Variants in SNX1 observed in about 807,000 individuals in gnomAD.
The protein encoded by SNX1 is sorting nexin 1, also known as sorting nexin-1.
SNX1 carries 36 observed loss-of-function variants against 71.8 expected under a neutral mutation model. The observed-to-expected ratio is 0.50, with a 90% confidence interval of 0.38 to 0.66. The LOEUF (loss-of-function observed/expected upper bound fraction) is 0.66. Among genes scored for constraint, SNX1 ranks in the 30% least tolerant of loss-of-function variants. The pLI is 0.00. For missense variants in SNX1, 612 were observed against 646.7 expected, an observed-to-expected ratio of 0.95 and a Z score of 0.58; for synonymous variants, 254 against 240.7, an observed-to-expected ratio of 1.06 and a Z score of -0.51.
In SNX1 at chr15:64,140,738, C is replaced by T. The variant is rs537427953; in HGVS notation, c.*3120C>T. 4 of 152,166 alleles carry T rather than the reference C, an allele frequency of 2.6e-5. No homozygotes were observed. The highest frequency in any genetic ancestry group is 7.2e-5 in the African/African-American group (3 of 41,402). 9.4% of individuals were successfully genotyped at this position (152,166 alleles called of 1,614,324 possible). A position where few individuals can be genotyped will look rare whatever the true frequency, so the allele number is the denominator to read the frequency against. ...AGCTGGGATTACAGGTGCCTGCCCCCACACCCAGCTAATTTTTGCATTTTT... is the reference window on the plus strand; with the variant it reads ...AGCTGGGATTACAGGTGCCTGCCCCTACACCCAGCTAATTTTTGCATTTTT... On this transcript the variant is annotated 3_prime_UTR_variant, in exon 15 of 15. Transcript: ENST00000559844.
At position 64,121,675 on chromosome 15, in the gene SNX1, A is replaced by T. The variant is rs117103497; in HGVS notation, c.467-1828A>T. ...GGACACAATTTATCCCATTACAGAG[A>T]GTAATTTAAACAGCCCATGGATCAG... On this transcript the variant is annotated intron_variant, in intron 4 of 14. Transcript: ENST00000559844. Among the ~76,000 whole-genome samples, 1,136 of 152,340 alleles carry T rather than the reference A, an allele frequency of 7.5e-3. 3 individuals are homozygous for T. The highest frequency in any genetic ancestry group is 0.012 in the Non-Finnish European group (789 of 68,022).
At position 64,141,510 on chromosome 15, in the gene SNX1, G is replaced by C. The variant is rs1224157297; in HGVS notation, c.*3892G>C. The C allele has an allele frequency of 6.6e-6, 1 of 152,370 alleles. No homozygotes were observed. Among genetic ancestry groups the C allele is most frequent in the African/African-American group, 2.4e-5 (1 of 41,466 alleles). The allele number at this position is 152,370 out of a possible 1,614,324, so 9.4% of individuals were successfully genotyped here. ...CTGGGGACCCAGGAGGGAGGACTTT[G>C]TGGAGAACCTGATGCTTGAACTGAG... On this transcript the variant is annotated 3_prime_UTR_variant, in exon 15 of 15. Coordinates refer to ENST00000559844, the MANE Select transcript of SNX1 (RefSeq NM_003099.5). The surrounding 1 kb of genome is among the most constrained non-coding windows in gnomAD (Gnocchi z 5.1).
At chr15:64,097,440 C>T (rs2080914843) in intron 1 of SNX1, among the ~76,000 whole-genome samples, 1 of 151,958 alleles carries the variant, frequency 6.6e-6, no homozygotes. Flanking sequence ...TGCCCCCAGA[C>T]CTTGGTGTTT....
At position 64,137,748 on chromosome 15, in the gene SNX1, A is replaced by G; in HGVS notation, c.*130A>G. 2.6e-6 allele frequency: 4 copies of G among 1,509,590 alleles called. No individual in the cohort carries two copies. Among genetic ancestry groups the G allele is most frequent in the Non-Finnish European group, 3.6e-6 (4 of 1,124,096 alleles). 93.5% of individuals were successfully genotyped at this position (1,509,590 alleles called of 1,614,324 possible). On this transcript the variant is annotated 3_prime_UTR_variant, in exon 15 of 15. Transcript: ENST00000559844. ...TAACCCCTTCCTCCCTGTCCCCACGACCAACTGTCCCCAGTTACTCTAACC... is the reference window on the plus strand; with the variant it reads ...TAACCCCTTCCTCCCTGTCCCCACGGCCAACTGTCCCCAGTTACTCTAACC...
intron 1 of SNX1, among the ~76,000 whole-genome samples, chr15:64,106,009 A>G (rs2081017207): frequency 6.6e-6 from 1 of 152,198 alleles, no homozygotes; most frequent in South Asian, 2.1e-4. Flanking sequence ...GAAGGAAACC[A>G]ATTATATTGA....
chr15:64,132,051 TTCAC>T (rs1237690709), intron 11 of SNX1, among the ~76,000 whole-genome samples, 159 bp downstream of exon 11: 16 of 152,244 alleles, frequency 1.1e-4, no homozygotes, highest in African/African-American at 3.6e-4. Flanking sequence ...AAGCAATCTA[TTCAC>T]CTGTTAGCTA....
rs2081399198 is a variant in SNX1, at chr15:64,140,179, C to T, written c.*2561C>T. 6.6e-6 allele frequency: 1 copy of T among 152,258 alleles called. No homozygotes were observed. Among genetic ancestry groups the T allele is most frequent in the East Asian group, 1.9e-4 (1 of 5,206 alleles). 9.4% of individuals were successfully genotyped at this position (152,258 alleles called of 1,614,324 possible). A position where few individuals can be genotyped will look rare whatever the true frequency, so the allele number is the denominator to read the frequency against. ...TATAGTATCAGTTGATTAGTCTTGT[C>T]CCAGTTATTACTGTCATGATTGACC... On this transcript the variant is annotated 3_prime_UTR_variant, in exon 15 of 15. Transcript: ENST00000559844.
chr15:64,100,489 G>A (rs1335533030), intron 1 of SNX1, among the ~76,000 whole-genome samples: 1 of 151,662 alleles, frequency 6.6e-6, no homozygotes, highest in Middle Eastern at 3.2e-3. Context: ...AATCCCAGCT[G>A]CTGTGGAGGC....
At chr15:64,113,308 G>A (rs1395843492) in intron 2 of SNX1, among the ~76,000 whole-genome samples, 1 of 152,150 alleles carries the variant, frequency 6.6e-6, no homozygotes, top group Non-Finnish European at 1.5e-5. Flanking sequence ...GAGGGGTGCT[G>A]CACTGTTCTC....
At position 64,137,695 on chromosome 15, in the gene SNX1, T is replaced by C. The variant is rs1489755318; in HGVS notation, c.*77T>C. On this transcript the variant is annotated 3_prime_UTR_variant, in exon 15 of 15. Coordinates refer to ENST00000559844, the MANE Select transcript of SNX1 (RefSeq NM_003099.5). ...GTCCTCCTCCACCTTGATGGACCCC[T>C]AGTGATGCATCCTGCCTAGGCTGGA... is the stretch of plus-strand genomic sequence containing the variant. 1 of 1,606,096 alleles carries C rather than the reference T, an allele frequency of 6.2e-7. No homozygotes were observed. Among genetic ancestry groups the C allele is most frequent in the Non-Finnish European group, 8.5e-7 (1 of 1,175,084 alleles).
At chr15:64,120,266 C>CATTTTTT (rs2081182609) in intron 4 of SNX1, among the ~76,000 whole-genome samples, 1 of 67,090 alleles carries the variant, frequency 1.5e-5, no homozygotes, top group African/African-American at 5.7e-5. Context: ...AAATGGTTGT[C>CATTTTTT]TTTTTTTTTT....
In SNX1 at chr15:64,134,395, G is replaced by A; in HGVS notation, c.1222-269G>A. On this transcript the variant is annotated intron_variant, in intron 11 of 14. Transcript: ENST00000559844. This position sits in a 1 kb window ranked among gnomAD's most constrained non-coding sequence, Gnocchi z 4.1. ...CTGTAAGCCATAGTATTGGTCACTGGCATGAGGCCACCTACTGGATCCCTG... is the reference window on the plus strand; with the variant it reads ...CTGTAAGCCATAGTATTGGTCACTGACATGAGGCCACCTACTGGATCCCTG... 1 of 451,958 alleles carries A rather than the reference G, an allele frequency of 2.2e-6. No homozygotes were observed. The highest frequency in any genetic ancestry group is 4.0e-6 in the Non-Finnish European group (1 of 250,066). 28.0% of individuals were successfully genotyped at this position (451,958 alleles called of 1,614,324 possible).
chr15:64,136,667 C>T (rs557634687), intron 13 of SNX1, among the ~76,000 whole-genome samples, 194 bp from the exon 14 acceptor site: 1 of 152,300 alleles, frequency 6.6e-6, no homozygotes, highest in Admixed American at 6.5e-5. Context: ...GTTTCTCCTC[C>T]ACTTCCCATC....
chr15:64,120,321 G>T (rs1223061761), intron 4 of SNX1, among the ~76,000 whole-genome samples: 1 of 142,386 alleles, frequency 7.0e-6, no homozygotes, highest in Non-Finnish European at 1.5e-5. Flanking sequence ...ACCCAGGCTG[G>T]AGTGCAGTGG....
At position 64,127,788 on chromosome 15, in the gene SNX1, G is replaced by C. The variant is rs757582732; in HGVS notation, c.789G>C (p.Glu263Asp). ...TGTTACAGGACCCTGACGTCAGAGA[G>C]TTCTTGGAAAAAGAAGAGGTTAGTA... ...PTMLQDPDVR[E>D]FLEKEELPRA... is the part of the protein sequence containing the mutation. Residue 263 changes from glutamate (E) to aspartate (D), a missense_variant, in exon 8 of 15, where the codon GAG (glutamate) becomes GAC (aspartate). Glu to Asp is a conservative substitution (Grantham distance 45, BLOSUM62 2). Transcript: ENST00000559844. The C allele has an allele frequency of 1.2e-6, 2 of 1,613,720 alleles. No homozygotes were observed. Among genetic ancestry groups the C allele is most frequent in the Non-Finnish European group, 1.7e-6 (2 of 1,179,670 alleles).
At chr15:64,119,967 T>C (rs374322343) in intron 4 of SNX1, among the ~76,000 whole-genome samples, 1 of 152,160 alleles carries the variant, frequency 6.6e-6, no homozygotes, top group Non-Finnish European at 1.5e-5. Flanking sequence ...CCAAGTTGAA[T>C]TGTACTCAAA....
At chr15:64,130,092 G>A in intron 9 of SNX1, 63 bp downstream of exon 9, 1 of 1,482,410 alleles carries the variant, frequency 6.7e-7, no homozygotes, top group Non-Finnish European at 9.4e-7. Flanking sequence ...GAACCCCTAA[G>A]GAGTCCTGAA....
rs764907943 is a variant in SNX1 at position 64,134,553 on chromosome 15, G to T, written c.1222-111G>T. 9.2e-6 allele frequency: 12 copies of T among 1,310,550 alleles called. No homozygotes were observed. Among genetic ancestry groups the T allele is most frequent in the Non-Finnish European group, 1.2e-5 (12 of 960,508 alleles). The allele number at this position is 1,310,550 out of a possible 1,614,324, so 81.2% of individuals were successfully genotyped here. On this transcript the variant is annotated intron_variant, in intron 11 of 14. Coordinates refer to ENST00000559844, the MANE Select transcript of SNX1 (RefSeq NM_003099.5). This position sits in a 1 kb window ranked among gnomAD's most constrained non-coding sequence, Gnocchi z 4.1. ...GCACTAACATGTGGCTGCAGAACCT[G>T]CCCTTGCTCAGTCTGTCCCTGGTGC...
At chr15:64,118,963 C>G (rs985680214) in intron 4 of SNX1, 109 bp downstream of exon 4, 3 of 741,662 alleles carry the variant, frequency 4.0e-6, no homozygotes, top group East Asian at 5.2e-5. Context: ...ATGTGAAGTA[C>G]TTCATTAGTA....
Sources: allele counts gnomAD v4.1 joint callset (sites outside exome capture counted in the v4.1 genomes callset), GRCh38; gene constraint gnomAD v4.1.1; non-coding constraint Gnocchi (gnomAD v3.1); transcripts MANE v1.5; gene names NCBI Gene and HGNC (gene_info 2026-07-23, HGNC 2026-07-21).